The following CC2D2B variants were observed in gnomAD, a reference collection of about 807,000 sequenced individuals.
CC2D2B encodes the protein protein CC2D2B.
CC2D2B carries 128 observed loss-of-function variants against 161.2 expected under a neutral mutation model. The observed-to-expected ratio is 0.79, with a 90% CI of 0.69 to 0.92. The LOEUF (loss-of-function observed/expected upper bound fraction) is 0.92, where lower values mean the gene tolerates loss of function less well. Among genes scored for constraint, CC2D2B ranks in the 40% least tolerant of loss-of-function variants. CC2D2B has a pLI of 0.00. For missense variants in CC2D2B, 1,173 were observed against 1,375.1 expected, an observed-to-expected ratio of 0.85 and a Z score of 2.32; for synonymous variants, 391 against 449.8, an observed-to-expected ratio of 0.87 and a Z score of 1.65.
intron 9 of CC2D2B, among the ~76,000 whole-genome samples, chr10:95,944,826 T>G (rs1355777559): frequency 3.3e-5 from 5 of 152,198 alleles, no homozygotes; most frequent in Admixed American, 1.3e-4. Context: ...GGAAAAAATG[T>G]AAAGGCCATC....
At chr10:96,001,272 GTTTCT>G (rs2078482112) in intron 24 of CC2D2B, among the ~76,000 whole-genome samples, 1 of 151,946 alleles carries the variant, frequency 6.6e-6, no homozygotes. Context: ...CAAATAATAT[GTTTCT>G]TTTTATTTTG....
chr10:95,934,036 T>G (rs550429260), intron 6 of CC2D2B, among the ~76,000 whole-genome samples: 2 of 152,258 alleles, frequency 1.3e-5, no homozygotes, highest in South Asian at 4.1e-4. Context: ...ATTTATAAGC[T>G]CCTGACTGGG....
chr10:96,001,211 A>T (rs889593055), intron 24 of CC2D2B, among the ~76,000 whole-genome samples: 3 of 152,126 alleles, frequency 2.0e-5, no homozygotes, highest in Non-Finnish European at 2.9e-5. Flanking sequence ...CTGGGTATAA[A>T]TTTCTCTCAT....
intron 2 of CC2D2B, 43 bp from the exon 3 acceptor site, chr10:95,921,973 A>G (rs2141162075): frequency 9.1e-7 from 1 of 1,102,668 alleles, no homozygotes; most frequent in South Asian, 1.5e-5. Context: ...ATGTTCAGTG[A>G]CAAAACAAGA....
intron 15 of CC2D2B, among the ~76,000 whole-genome samples, 198 bp from the exon 16 acceptor site, chr10:95,971,868 A>G (rs889777727): frequency 7.2e-5 from 11 of 152,206 alleles, no homozygotes; most frequent in African/African-American, 2.4e-4. Flanking sequence ...TTCATTTTCT[A>G]TGGAGCCAGT....
At chr10:95,924,165 G>A (rs1316048686) in intron 3 of CC2D2B, 149 bp from the exon 4 acceptor site, 2 of 444,206 alleles carry the variant, frequency 4.5e-6, no homozygotes, top group East Asian at 3.8e-5. Flanking sequence ...TAGATTCTAA[G>A]CTCTCATAAG....
chr10:95,924,030 T>TA (rs1211879654), intron 3 of CC2D2B, among the ~76,000 whole-genome samples: 9 of 149,230 alleles, frequency 6.0e-5, no homozygotes, highest in South Asian at 2.1e-4. Context: ...TCAAAAAAAA[T>TA]AAAAAAAATA....
intron 9 of CC2D2B, among the ~76,000 whole-genome samples, chr10:95,947,102 TATATATATATA>T (rs1217169880): frequency 2.8e-5 from 1 of 36,120 alleles, no homozygotes; most frequent in African/African-American, 1.8e-4. Flanking sequence ...TATATATATA[TATATATATATA>T]TTTTTTTTTT....
intron 24 of CC2D2B, among the ~76,000 whole-genome samples, chr10:95,997,581 G>T (rs1055973596): frequency 1.3e-5 from 2 of 151,896 alleles, no homozygotes; most frequent in African/African-American, 4.8e-5. Context: ...TAGCACTAGG[G>T]TCTCACTATG....
intron 6 of CC2D2B, among the ~76,000 whole-genome samples, chr10:95,931,306 AT>A (rs1404056588): frequency 6.6e-6 from 1 of 151,856 alleles, no homozygotes; most frequent in Non-Finnish European, 1.5e-5. Context: ...CTAGTGGTCT[AT>A]TTTGTTAATC....
intron 14 of CC2D2B, among the ~76,000 whole-genome samples, chr10:95,967,604 C>A (rs1396889773): frequency 6.6e-6 from 1 of 151,996 alleles, no homozygotes; most frequent in East Asian, 1.9e-4. Flanking sequence ...GCAAGATTTC[C>A]TGAAGATAAT....
chr10:95,974,316 T>C (rs1590688302), intron 17 of CC2D2B, among the ~76,000 whole-genome samples, 160 bp downstream of exon 17: 1 of 152,320 alleles, frequency 6.6e-6, no homozygotes, highest in East Asian at 1.9e-4. Context: ...TAAGGCAGTA[T>C]GTGTATTTAT....
intron 17 of CC2D2B, among the ~76,000 whole-genome samples, chr10:95,978,812 A>T (rs954386128): frequency 6.6e-6 from 1 of 152,076 alleles, no homozygotes; most frequent in African/African-American, 2.4e-5. Context: ...TATAAGGTTT[A>T]TTTGATTTTT....
chr10:96,032,113 G>T lies in CC2D2B; in HGVS notation c.*105G>T, dbSNP rs189014828. The stretch of plus-strand genomic sequence containing the variant: ...GCTGTTTATTCTCAAGTCCAGCTAA[G>T]TGCTGGGCCCAATTTTTGATTCACT... On this transcript the variant is annotated 3_prime_UTR_variant, in exon 35 of 35. Coordinates refer to ENST00000646931, the MANE Select transcript of CC2D2B (RefSeq NM_001349008.3). 85 of 836,428 alleles carry T rather than the reference G, an allele frequency of 1.0e-4. No homozygotes were observed. The African/African-American group carries it at 1.2e-3, about 12-fold the overall frequency. The allele number at this position is 836,428 out of a possible 1,614,324, so 51.8% of individuals were successfully genotyped here.
chr10:95,943,908 A>G (rs1189026797), intron 9 of CC2D2B, among the ~76,000 whole-genome samples: 1 of 152,212 alleles, frequency 6.6e-6, no homozygotes, highest in African/African-American at 2.4e-5. Flanking sequence ...GAGGATGATC[A>G]TCTTCATCCA....
At chr10:95,982,568 A>T (rs1449725350) in intron 18 of CC2D2B, among the ~76,000 whole-genome samples, 1 of 152,114 alleles carries the variant, frequency 6.6e-6, no homozygotes, top group Non-Finnish European at 1.5e-5. Context: ...TATTCATGCC[A>T]CTGCTCTGCC....
In CC2D2B at chr10:95,988,462, C is replaced by G. The variant is rs150174945; in HGVS notation, c.2379+120C>G. Reference sequence around the variant, plus strand: ...GGACGAATCCACTCACTCGTCACCTCTTTCAGATCACTGAGGAGTTTTCTG... The same window carrying G: ...GGACGAATCCACTCACTCGTCACCTGTTTCAGATCACTGAGGAGTTTTCTG... On this transcript the variant is annotated intron_variant, in intron 20 of 34. Transcript: ENST00000646931. 1,059 of 407,688 alleles carry G rather than the reference C, an allele frequency of 2.6e-3. 4 individuals are homozygous for G. Among genetic ancestry groups the G allele is most frequent in the Middle Eastern group, 0.012 (36 of 2,900 alleles). 25.3% of individuals were successfully genotyped at this position (407,688 alleles called of 1,614,324 possible).
chr10:95,957,330 G>A (rs148979884), intron 11 of CC2D2B, among the ~76,000 whole-genome samples: 2,835 of 152,170 alleles, frequency 0.019, 36 homozygotes, highest in Middle Eastern at 0.055. Context: ...GACTTCCAGA[G>A]GATTTAAAAG....
chr10:95,929,234 T>C (rs556017328), intron 6 of CC2D2B, among the ~76,000 whole-genome samples: 1 of 152,322 alleles, frequency 6.6e-6, no homozygotes, highest in African/African-American at 2.4e-5. Context: ...CTTCGCTCAC[T>C]TTTTGATGGG....
Sources: allele counts gnomAD v4.1 joint callset (sites outside exome capture counted in the v4.1 genomes callset), GRCh38; gene constraint gnomAD v4.1.1; transcripts MANE v1.5; gene names NCBI Gene and HGNC (gene_info 2026-07-23, HGNC 2026-07-21).